Variants in CAST observed in about 807,000 individuals in gnomAD.
CAST encodes calpastatin, also known as MIR583 host.
In CAST, 76 loss-of-function variants were observed where a neutral mutation model predicts 119.6. That is an observed-to-expected ratio of 0.64 (90% CI 0.53 to 0.77). The LOEUF (loss-of-function observed/expected upper bound fraction) is 0.77, where lower values mean the gene tolerates loss of function less well. CAST is among the 30% of genes least tolerant of loss of function. CAST has a pLI of 0.00. For missense variants in CAST, 953 were observed against 946.5 expected (o/e 1.01, Z -0.09); for synonymous variants, 319 against 331.6 (o/e 0.96, Z 0.41).
the CAST span, among the ~76,000 whole-genome samples, chr5:96,513,646 C>T: frequency 3.3e-5 from 5 of 152,172 alleles, no homozygotes; most frequent in African/African-American, 4.8e-5. Context: ...GGTAGTTACT[C>T]GGCTCCACCC....
chr5:96,632,250 T>C (rs73136638), intron 1 of CAST, among the ~76,000 whole-genome samples: 1,910 of 151,808 alleles, frequency 0.013, 47 homozygotes, highest in African/African-American at 0.043. Flanking sequence ...ATAGATACTA[T>C]ACTCTTATGA....
chr5:96,609,757 A>G (rs553950022), intron 1 of CAST, among the ~76,000 whole-genome samples: 4 of 152,352 alleles, frequency 2.6e-5, no homozygotes, highest in African/African-American at 9.6e-5. Context: ...TTTTGGTACA[A>G]AAAGGGGGAA....
the CAST span, chr5:95,961,763 C>G: frequency 1.3e-6 from 2 of 1,548,576 alleles, no homozygotes; most frequent in Non-Finnish European, 1.7e-6. Context: ...CGCTCCGGCT[C>G]TAGCCTCCAC....
the CAST span, among the ~76,000 whole-genome samples, chr5:96,241,303 A>C: frequency 8.7e-5 from 13 of 148,946 alleles, no homozygotes; most frequent in Admixed American, 8.8e-4. Flanking sequence ...ATGAGTGAGA[A>C]TATGCGGTGT....
the CAST span, among the ~76,000 whole-genome samples, chr5:96,119,369 T>C: frequency 6.6e-6 from 1 of 152,118 alleles, no homozygotes; most frequent in Non-Finnish European, 1.5e-5. Context: ...GCATTTAAAA[T>C]CTAGAGGTTT....
At chr5:96,412,565 C>A in the CAST span, 19 of 1,325,378 alleles carry the variant, frequency 1.4e-5, no homozygotes, top group Non-Finnish European at 1.8e-5. Context: ...AATACTCTTA[C>A]TATTTGTATT....
At chr5:96,736,538 G>A (rs1285405627) in intron 10 of CAST, among the ~76,000 whole-genome samples, 1 of 151,924 alleles carries the variant, frequency 6.6e-6, no homozygotes, top group Non-Finnish European at 1.5e-5. Flanking sequence ...TTAACCAGAG[G>A]TATTACTAAA....
At chr5:96,389,256 G>T in the CAST span, among the ~76,000 whole-genome samples, 1 of 152,014 alleles carries the variant, frequency 6.6e-6, no homozygotes, top group African/African-American at 2.4e-5. Flanking sequence ...GCATTTAGGT[G>T]CTTTTACCAC....
At chr5:96,596,064 C>G (rs1476155981) in intron 1 of CAST, among the ~76,000 whole-genome samples, 5 of 152,172 alleles carry the variant, frequency 3.3e-5, no homozygotes, top group Admixed American at 2.6e-4. Context: ...GTATGGTAGG[C>G]TGAATCATGC....
At chr5:96,344,422 G>GAC in the CAST span, among the ~76,000 whole-genome samples, 1 of 152,148 alleles carries the variant, frequency 6.6e-6, no homozygotes, top group African/African-American at 2.4e-5. Flanking sequence ...ACCTCTCCAA[G>GAC]ACCAAGCAAG....
At chr5:96,700,607 G>C (rs72772090) in intron 3 of CAST, among the ~76,000 whole-genome samples, 15,044 of 152,216 alleles carry the variant, frequency 0.099, 972 homozygotes, top group Middle Eastern at 0.17. Flanking sequence ...GTAGCCAGGA[G>C]ACTGAATAGT....
chr5:95,965,925 CATT>C, the CAST span, among the ~76,000 whole-genome samples: 4 of 152,046 alleles, frequency 2.6e-5, no homozygotes, highest in African/African-American at 4.8e-5. Flanking sequence ...TGTTACATTG[CATT>C]ATTATTATTA....
chr5:96,290,022 T>G, the CAST span, among the ~76,000 whole-genome samples: 2 of 152,174 alleles, frequency 1.3e-5, no homozygotes, highest in Non-Finnish European at 1.5e-5. Flanking sequence ...ATGAAAGTAA[T>G]GATATTTTTG....
chr5:96,479,553 G>A, the CAST span, among the ~76,000 whole-genome samples: 1 of 150,814 alleles, frequency 6.6e-6, no homozygotes, highest in Non-Finnish European at 1.5e-5. Flanking sequence ...AGGTTCAAGC[G>A]ATTCTCCTGC....
At chr5:96,432,831 C>T in the CAST span, 1 of 1,604,536 alleles carries the variant, frequency 6.2e-7, no homozygotes, top group Non-Finnish European at 8.5e-7. Context: ...CCCTGGGGCC[C>T]CAGAAAGTTT....
At chr5:96,051,251 T>C in the CAST span, among the ~76,000 whole-genome samples, 1 of 152,190 alleles carries the variant, frequency 6.6e-6, no homozygotes. Flanking sequence ...AAGAAGTCTC[T>C]CTGCATTTTG....
intron 1 of CAST, among the ~76,000 whole-genome samples, chr5:96,674,544 C>T (rs1280837942): frequency 6.6e-6 from 1 of 151,970 alleles, no homozygotes; most frequent in Non-Finnish European, 1.5e-5. Context: ...TCTTTGTGCC[C>T]CCTATTCAGG....
At chr5:96,514,900 C>T in the CAST span, among the ~76,000 whole-genome samples, 297 of 152,184 alleles carry the variant, frequency 2.0e-3, no homozygotes, top group African/African-American at 6.6e-3. Context: ...TTCAGGTGTG[C>T]GCCACCATGG....
At chr5:96,461,420 G>A in the CAST span, among the ~76,000 whole-genome samples, 1 of 152,014 alleles carries the variant, frequency 6.6e-6, no homozygotes, top group Non-Finnish European at 1.5e-5. Context: ...TTAACTTTTT[G>A]AGGAATTTTC....
Sources: allele counts gnomAD v4.1 joint callset (sites outside exome capture counted in the v4.1 genomes callset), GRCh38; gene constraint gnomAD v4.1.1; transcripts MANE v1.5; gene names NCBI Gene and HGNC (gene_info 2026-07-23, HGNC 2026-07-21).